The following FHIP1A variants were observed in gnomAD, a reference collection of about 807,000 sequenced individuals.
The protein encoded by FHIP1A is FHF complex subunit HOOK interacting protein 1A.
A neutral mutation model predicts 88.6 loss-of-function variants in FHIP1A; 61 were observed. The ratio of observed to expected loss-of-function variants is 0.69; its 90% CI spans 0.56 to 0.85. FHIP1A has a LOEUF of 0.85. Among genes scored for constraint, FHIP1A ranks in the 40% least tolerant of loss-of-function variants. FHIP1A has a pLI of 0.00. For synonymous variants in FHIP1A, 478 were observed against 496.0 expected (o/e 0.96, Z 0.48); for missense variants, 1,154 against 1,273.5 (o/e 0.91, Z 1.43).
chr4:151,511,180 A>T (rs556642400), intron 3 of FHIP1A, among the ~76,000 whole-genome samples: 19 of 152,230 alleles, frequency 1.2e-4, no homozygotes, highest in Non-Finnish European at 2.2e-4. Context: ...ATCTAAAATT[A>T]TAATTAAGAT....
chr4:151,579,513 G>T (rs967500890), intron 5 of FHIP1A, among the ~76,000 whole-genome samples: 1 of 152,200 alleles, frequency 6.6e-6, no homozygotes, highest in Non-Finnish European at 1.5e-5. Context: ...TAATTCTGCT[G>T]TTAAAGGAGA....
At chr4:151,661,130 C>T (rs1338689305) in intron 13 of FHIP1A, among the ~76,000 whole-genome samples, 5 of 152,100 alleles carry the variant, frequency 3.3e-5, no homozygotes, top group Non-Finnish European at 7.4e-5. Context: ...GTCCCAGTCC[C>T]CATTGGAACG....
intron 2 of FHIP1A, among the ~76,000 whole-genome samples, chr4:151,482,223 C>T (rs1053575675): frequency 1.3e-5 from 2 of 151,912 alleles, no homozygotes; most frequent in African/African-American, 4.8e-5. Flanking sequence ...GATTTATTTT[C>T]ACACTTTTTT....
At position 151,496,716 on chromosome 4, in the gene FHIP1A, C is replaced by CTTTTTTTTTTTTTTT. The variant is rs58538673; in HGVS notation, c.-123+14071_-123+14085dup. ...CACAGGAGCATACCACCACGTCCAG[C>CTTTTTTTTTTTTTTT]TTTTTTTTTTTTTTTTTGTATTTTT... On this transcript the variant is annotated intron_variant, in intron 3 of 13. Transcript: ENST00000435205. 1.2e-3 allele frequency among the ~76,000 whole-genome samples: 118 copies of CTTTTTTTTTTTTTTT among 102,452 alleles called. 6 individuals carry two copies. Among genetic ancestry groups the CTTTTTTTTTTTTTTT allele is most frequent in the East Asian group, 2.2e-3 (8 of 3,610 alleles). The allele number at this position is 102,452 out of a possible 152,430, so 67.2% of individuals were successfully genotyped here.
chr4:151,536,839 T>C (rs760988497), intron 3 of FHIP1A, among the ~76,000 whole-genome samples: 4 of 152,172 alleles, frequency 2.6e-5, no homozygotes, highest in Non-Finnish European at 5.9e-5. Context: ...GGTCAGTTGC[T>C]GGATTGAACA....
chr4:151,494,346 G>A (rs1181392854), intron 3 of FHIP1A, among the ~76,000 whole-genome samples: 3 of 152,110 alleles, frequency 2.0e-5, no homozygotes, highest in East Asian at 3.9e-4. Flanking sequence ...GTTGATTTTT[G>A]TATATGGTAT....
intron 2 of FHIP1A, among the ~76,000 whole-genome samples, chr4:151,468,719 A>T (rs17027616): frequency 1.2e-3 from 185 of 152,320 alleles, no homozygotes; most frequent in African/African-American, 4.2e-3. Flanking sequence ...TATCAAAGGA[A>T]GTGATTTTCT....
rs1376610335 is a variant in FHIP1A at position 151,656,991 on chromosome 4, T to A, written c.2869+93T>A. ...AGTTCACAGATGCTGCACTGGCTTC[T>A]GGATCCTAGAAGCATTCAGAGATAT... On this transcript the variant is annotated intron_variant, in intron 13 of 13. Transcript: ENST00000435205. The surrounding 1 kb of genome is among the most constrained non-coding windows in gnomAD (Gnocchi z 4.2). 2.4e-6 allele frequency: 3 copies of A among 1,263,626 alleles called. No homozygotes were observed. The East Asian group carries it at 7.7e-5, about 32-fold the overall frequency. The allele number at this position is 1,263,626 out of a possible 1,614,324, so 78.3% of individuals were successfully genotyped here. A position where few individuals can be genotyped will look rare whatever the true frequency, so the allele number is the denominator to read the frequency against.
At chr4:151,611,363 G>A (rs77900623) in intron 7 of FHIP1A, among the ~76,000 whole-genome samples, 6,283 of 152,212 alleles carry the variant, frequency 0.041, 207 homozygotes, top group Non-Finnish European at 0.066. Flanking sequence ...AAATTTAAAG[G>A]AAGATATAGA....
At chr4:151,621,686 A>G (rs944596264) in intron 7 of FHIP1A, among the ~76,000 whole-genome samples, 1 of 152,102 alleles carries the variant, frequency 6.6e-6, no homozygotes, top group Non-Finnish European at 1.5e-5. Context: ...GTTCTGGCCC[A>G]TGGACCATTT....
At chr4:151,454,565 C>G (rs536424576) in intron 1 of FHIP1A, 136 bp from the exon 2 acceptor site, 48 of 152,266 alleles carry the variant, frequency 3.2e-4, no homozygotes, top group African/African-American at 1.1e-3. Flanking sequence ...CCTAAAACTT[C>G]CAGTCCAATG....
chr4:151,551,545 C>G (rs1732733753), intron 3 of FHIP1A, among the ~76,000 whole-genome samples: 1 of 134,970 alleles, frequency 7.4e-6, no homozygotes, highest in Non-Finnish European at 1.7e-5. Context: ...CTACAACCAT[C>G]TGATCTTTGA....
At chr4:151,619,742 G>C (rs146824184) in intron 7 of FHIP1A, among the ~76,000 whole-genome samples, 1 of 152,270 alleles carries the variant, frequency 6.6e-6, no homozygotes, top group East Asian at 1.9e-4. Context: ...TGTTTGCTGG[G>C]GTTGAGATAT....
chr4:151,463,446 C>A (rs184917075), intron 2 of FHIP1A, among the ~76,000 whole-genome samples: 9 of 152,354 alleles, frequency 5.9e-5, no homozygotes, highest in Admixed American at 2.0e-4. Context: ...CCTTGATCGT[C>A]ACAGACAATT....
intron 3 of FHIP1A, among the ~76,000 whole-genome samples, chr4:151,505,612 A>C (rs747412779): frequency 4.6e-5 from 7 of 152,196 alleles, no homozygotes; most frequent in African/African-American, 1.7e-4. Context: ...GAATAATTGA[A>C]CGCTGAATGT....
In FHIP1A at chr4:151,666,095, A is replaced by G. The variant is rs530144805; in HGVS notation, c.*3341A>G. Reference sequence around the variant, plus strand: ...CTGAGTGACTTCTGTGGTTCAAAATATATGAGAGCACTGGGATATTTAAAA... The same window carrying G: ...CTGAGTGACTTCTGTGGTTCAAAATGTATGAGAGCACTGGGATATTTAAAA... On this transcript the variant is annotated 3_prime_UTR_variant, in exon 14 of 14. Transcript: ENST00000435205. Among the ~76,000 whole-genome samples, 99 of 152,386 alleles carry G rather than the reference A, an allele frequency of 6.5e-4. No homozygotes were observed. Among genetic ancestry groups the G allele is most frequent in the Non-Finnish European group, 1.1e-3 (74 of 68,048 alleles).
chr4:151,539,348 G>C lies in FHIP1A; in HGVS notation c.-122-26790G>C, dbSNP rs1732185783. Among the ~76,000 whole-genome samples the C allele has an allele frequency of 2.0e-5, 3 of 152,108 alleles. No individual in the cohort carries two copies. In the South Asian group the frequency reaches 6.2e-4, roughly 32 times the overall value. On this transcript the variant is annotated intron_variant, in intron 3 of 13. Coordinates refer to ENST00000435205, the MANE Select transcript of FHIP1A (RefSeq NM_001109977.3). ...TGTAATCCCAGCGCTTTGGGAGGCT[G>C]AGGCAGGTGGATCATCTGAGGTCAG...
intron 3 of FHIP1A, among the ~76,000 whole-genome samples, chr4:151,548,507 T>A (rs1215874281): frequency 6.6e-6 from 1 of 152,112 alleles, no homozygotes. Flanking sequence ...AAAAGCCAGC[T>A]AAAACCCACC....
At position 151,649,634 on chromosome 4, in the gene FHIP1A, C is replaced by T. The variant is rs906622352; in HGVS notation, c.1593C>T (p.Asp531=). ...CCCTGTATGATGGCGACTCCCCCGA[C>T]CCTGAGATGTTTCTCCAGAGTCTGA... ...WSALYDGDSP[D]PEMFLQSLTE... is the part of the protein sequence containing the mutation. Residue 531 remains aspartate (D), a synonymous_variant, in exon 11 of 14, where the codon GAC becomes GAT. Coordinates refer to ENST00000435205, the MANE Select transcript of FHIP1A (RefSeq NM_001109977.3). 1.3e-6 allele frequency: 2 copies of T among 1,551,570 alleles called. No homozygotes were observed. The highest frequency in any genetic ancestry group is 1.7e-6 in the Non-Finnish European group (2 of 1,146,996).
Sources: gnomAD v4.1 joint callset for allele counts (sites outside exome capture counted in the v4.1 genomes callset) on GRCh38, gnomAD v4.1.1 for gene constraint, Gnocchi (gnomAD v3.1) non-coding constraint, MANE v1.5 for transcripts, NCBI Gene and HGNC (gene_info 2026-07-23, HGNC 2026-07-21) for gene names.